Variants in WDFY4 observed in about 807,000 individuals in gnomAD.
WDFY4 encodes WD repeat- and FYVE domain-containing protein 4.
In WDFY4, 169 loss-of-function variants were observed where a neutral mutation model predicts 351.9. That is an observed-to-expected ratio of 0.48 (90% CI 0.42 to 0.55). The LOEUF (loss-of-function observed/expected upper bound fraction) is 0.55. Ranked by LOEUF, WDFY4 falls within the 20% of genes least tolerant of loss-of-function variation. WDFY4 has a pLI of 0.00. For missense variants in WDFY4, 3,803 were observed against 3,935.6 expected (o/e 0.97, Z 0.90); for synonymous variants, 1,622 against 1,574.6 (o/e 1.03, Z -0.71).
At position 48,959,795 on chromosome 10, in the gene WDFY4, C is replaced by T; in HGVS notation, c.8205C>T (p.Phe2735=). ...PPWADGDPRK[F]ISLHRKALES... ...GGGCTGATGGGGACCCTCGGAAATT[C>T]ATCAGCCTGCACAGAAAGGTGAGTC... The change falls in exon 53 of 62, where the codon TTC becomes TTT. Residue 2735 remains phenylalanine (F), a synonymous_variant. Coordinates refer to ENST00000325239, the MANE Select transcript of WDFY4 (RefSeq NM_001394531.1). The T allele has an allele frequency of 1.9e-6, 3 of 1,551,144 alleles. No homozygotes were observed. Among genetic ancestry groups the T allele is most frequent in the Non-Finnish European group, 2.6e-6 (3 of 1,146,642 alleles).
Position 48,731,241 on chromosome 10 carries a change from T to G in WDFY4, c.1261T>G (p.Phe421Val), listed in dbSNP as rs2064448924. The part of the protein sequence containing the change: ...TMWAWNARNF[F>V]LLEWTLQPIS... Reference sequence around the variant, plus strand: ...GTGGGCCTGGAATGCTCGAAACTTCTTCCTGCTGGAGTGGACCCTGCAGCC... The same window carrying G: ...GTGGGCCTGGAATGCTCGAAACTTCGTCCTGCTGGAGTGGACCCTGCAGCC... Residue 421 changes from phenylalanine (F) to valine (V), a missense_variant, in exon 9 of 62, where the codon TTC (phenylalanine) becomes GTC (valine). By Grantham distance (50) the Phe-to-Val change is conservative (BLOSUM62 -1). Coordinates refer to ENST00000325239, the MANE Select transcript of WDFY4 (RefSeq NM_001394531.1). 1 of 1,551,968 alleles carries G rather than the reference T, an allele frequency of 6.4e-7. No homozygotes were observed. The highest frequency in any genetic ancestry group is 8.7e-7 in the Non-Finnish European group (1 of 1,147,040).
At chr10:48,859,158 A>G (rs2069247835) in intron 39 of WDFY4, among the ~76,000 whole-genome samples, 1 of 152,166 alleles carries the variant, frequency 6.6e-6, no homozygotes. Context: ...GAATCAGGGT[A>G]TCTACAAATA....
At position 48,970,048 on chromosome 10, in the gene WDFY4, G is replaced by A. The variant is rs572807765; in HGVS notation, c.8770-83G>A. The A allele has an allele frequency of 3.9e-5, 57 of 1,469,710 alleles. No individual in the cohort carries two copies. In the African/African-American group the frequency reaches 7.8e-4, roughly 20 times the overall value. The allele number at this position is 1,469,710 out of a possible 1,614,324, so 91.0% of individuals were successfully genotyped here. A position where few individuals can be genotyped will look rare whatever the true frequency, so the allele number is the denominator to read the frequency against. ...CCCCAGTTCCCAAGGCACTCAGACT[G>A]GCCCACATACCCCCGTGACTCTATC... On this transcript the variant is annotated intron_variant, in intron 56 of 61. Coordinates refer to ENST00000325239, the MANE Select transcript of WDFY4 (RefSeq NM_001394531.1).
Position 48,684,951 on chromosome 10 carries a change from AG to A in WDFY4, c.-63del. 6.6e-6 allele frequency: 1 copy of A among 152,662 alleles called. No homozygotes were observed. Among genetic ancestry groups the A allele is most frequent in the Non-Finnish European group, 1.5e-5 (1 of 68,268 alleles). The allele number at this position is 152,662 out of a possible 1,614,324, so 9.5% of individuals were successfully genotyped here. A position where few individuals can be genotyped will look rare whatever the true frequency, so the allele number is the denominator to read the frequency against. ...AGCCTGAGGGGCTGCAGCTGGGGAT[AG>A]GGGGCCCATGCCTTCTGATGTCTAC... is the stretch of plus-strand genomic sequence containing the variant. On this transcript the variant is annotated 5_prime_UTR_variant, in exon 1 of 62. Coordinates refer to ENST00000325239, the MANE Select transcript of WDFY4 (RefSeq NM_001394531.1).
chr10:48,941,759 T>C (rs575825216), intron 47 of WDFY4, 47 bp from the exon 48 acceptor site: 6 of 1,547,420 alleles, frequency 3.9e-6, no homozygotes, highest in Middle Eastern at 1.7e-4. Context: ...CTGTTTGTAT[T>C]CTTGCCTTGG....
intron 43 of WDFY4, among the ~76,000 whole-genome samples, chr10:48,879,142 C>T (rs895914662): frequency 2.0e-5 from 3 of 152,196 alleles, no homozygotes; most frequent in East Asian, 1.9e-4. Context: ...ACAGCTAAGA[C>T]GTCAATGCTT....
rs2067411879 is a variant in WDFY4, at chr10:48,810,572, C to T, written c.4881C>T (p.Phe1627=). The T allele has an allele frequency of 1.9e-6, 3 of 1,551,674 alleles. No individual in the cohort carries two copies. The highest frequency in any genetic ancestry group is 2.6e-6 in the Non-Finnish European group (3 of 1,146,996). ...TTCTGAAACTGGGGCCTGACTGGTT[C>T]CTGCTGCTCCTGCAGGGCCACCTGC... is the stretch of plus-strand genomic sequence containing the variant. ...EMFLKLGPDW[F]LLLLQGHLHA... is the part of the protein sequence containing the mutation. The change falls in exon 29 of 62, where the codon TTC becomes TTT. Residue 1627 remains phenylalanine (F), a synonymous_variant. Transcript: ENST00000325239.
intron 1 of WDFY4, among the ~76,000 whole-genome samples, chr10:48,690,974 C>A (rs1007687731): frequency 2.0e-5 from 3 of 152,192 alleles, no homozygotes; most frequent in African/African-American, 7.2e-5. Context: ...CCCTCCCCCA[C>A]TCCACCCAGG....
Position 48,959,824 on chromosome 10 carries a change from C to G in WDFY4, c.8223+11C>G, listed in dbSNP as rs1841776862. On this transcript the variant is annotated intron_variant, in intron 53 of 61. Transcript: ENST00000325239. ...AGCCTGCACAGAAAGGTGAGTCAGG[C>G]CAGGACCCCTGGTATCCTGCTGGGG... 6.5e-7 allele frequency: 1 copy of G among 1,544,792 alleles called. No individual in the cohort carries two copies. The highest frequency in any genetic ancestry group is 2.0e-5 in the Admixed American group (1 of 50,092).
intron 51 of WDFY4, among the ~76,000 whole-genome samples, chr10:48,949,968 A>G (rs573910738): frequency 4.5e-4 from 68 of 152,178 alleles, no homozygotes; most frequent in Middle Eastern, 3.4e-3. Flanking sequence ...TTAAGCACCT[A>G]CTATGCACCT....
rs111542373 is a variant in WDFY4, at chr10:48,733,782, C to T, written c.1583-149C>T. 362 of 676,902 alleles carry T rather than the reference C, an allele frequency of 5.3e-4. 2 individuals carry two copies. The African/African-American group carries it at 5.9e-3, about 11-fold the overall frequency. The allele number at this position is 676,902 out of a possible 1,614,324, so 41.9% of individuals were successfully genotyped here. ...GAACCCCTGCTGTAGGGGTAACAGCCTTCTATCTTACTAATTGGGATACAC... is the reference window on the plus strand; with the variant it reads ...GAACCCCTGCTGTAGGGGTAACAGCTTTCTATCTTACTAATTGGGATACAC... On this transcript the variant is annotated intron_variant, in intron 9 of 61. Transcript: ENST00000325239.
At chr10:48,828,095 T>TTTTCAG (rs1389221614) in intron 36 of WDFY4, among the ~76,000 whole-genome samples, 5 of 152,228 alleles carry the variant, frequency 3.3e-5, no homozygotes, top group Non-Finnish European at 7.3e-5. Context: ...ATGTTTGTCA[T>TTTTCAG]TTTCAGTTCA....
intron 45 of WDFY4, among the ~76,000 whole-genome samples, chr10:48,898,752 C>T (rs1212739458): frequency 1.3e-5 from 2 of 152,156 alleles, no homozygotes; most frequent in Non-Finnish European, 2.9e-5. Context: ...TCTCATTTTG[C>T]CTGAGCTTCC....
At chr10:48,897,648 T>A in intron 45 of WDFY4, 74 bp downstream of exon 45, 2 of 1,511,398 alleles carry the variant, frequency 1.3e-6, no homozygotes, top group South Asian at 2.5e-5. Flanking sequence ...CCAGGAGCCA[T>A]CCAGAGACAC....
rs2064986729 is a variant in WDFY4 at position 48,745,647 on chromosome 10, C to T, written c.2459+2099C>T. ...GCTATTTCTTCTTCTGGTAGTGGGTCTCGGCCTTCTCCTTCCTCTTCTCCT... is the reference window on the plus strand; with the variant it reads ...GCTATTTCTTCTTCTGGTAGTGGGTTTCGGCCTTCTCCTTCCTCTTCTCCT... On this transcript the variant is annotated intron_variant, in intron 12 of 61. Coordinates refer to ENST00000325239, the MANE Select transcript of WDFY4 (RefSeq NM_001394531.1). 2.5e-5 allele frequency: 14 copies of T among 570,302 alleles called. No individual in the cohort carries two copies. In the Admixed American group the frequency reaches 2.5e-4, roughly 10 times the overall value. The allele number at this position is 570,302 out of a possible 1,614,324, so 35.3% of individuals were successfully genotyped here.
At chr10:48,743,629 A>G (rs990399930) in intron 12 of WDFY4, 81 bp downstream of exon 12, 132 of 1,419,610 alleles carry the variant, frequency 9.3e-5, no homozygotes, top group Non-Finnish European at 1.1e-4. Context: ...TGTACTCAGT[A>G]GGAAGGCTCA....
intron 19 of WDFY4, among the ~76,000 whole-genome samples, chr10:48,786,063 T>C (rs2066395388): frequency 6.6e-6 from 1 of 152,234 alleles, no homozygotes; most frequent in Non-Finnish European, 1.5e-5. Context: ...ACAGATCCTC[T>C]ACTTGTCTTA....
chr10:48,834,129 C>T (rs2068295071), intron 39 of WDFY4, among the ~76,000 whole-genome samples: 1 of 152,176 alleles, frequency 6.6e-6, no homozygotes, highest in South Asian at 2.1e-4. Context: ...AGGGAATTGA[C>T]TTGTTAAAGG....
chr10:48,755,242 T>C (rs568082054), intron 12 of WDFY4, among the ~76,000 whole-genome samples: 9 of 152,296 alleles, frequency 5.9e-5, no homozygotes, highest in African/African-American at 2.2e-4. Context: ...ATTTTGTGTG[T>C]ATCAGTAGTT....
Sources: allele counts gnomAD v4.1 joint callset (sites outside exome capture counted in the v4.1 genomes callset), GRCh38; gene constraint gnomAD v4.1.1; transcripts MANE v1.5; gene names NCBI Gene and HGNC (gene_info 2026-07-23, HGNC 2026-07-21).